Variants in TRIP12 observed in about 807,000 individuals in gnomAD.
TRIP12 encodes thyroid hormone receptor interactor 12.
TRIP12 carries 25 observed loss-of-function variants against 244.2 expected under a neutral mutation model. The ratio of observed to expected loss-of-function variants is 0.10; its 90% CI spans 0.07 to 0.14. The LOEUF (loss-of-function observed/expected upper bound fraction) is 0.14, where lower values mean the gene tolerates loss of function less well. Among genes scored for constraint, TRIP12 ranks in the 10% least tolerant of loss-of-function variants. The pLI is 1.00. For missense variants in TRIP12, 1,677 were observed against 2,486.4 expected (o/e 0.67, Z 6.92); for synonymous variants, 905 against 873.1 (o/e 1.04, Z -0.64).
At chr2:229,848,326 GC>G (rs1241261184) in intron 4 of TRIP12, among the ~76,000 whole-genome samples, 4 of 32,314 alleles carry the variant, frequency 1.2e-4, no homozygotes, top group South Asian at 7.4e-4. Context: ...GGCCCCCCCC[GC>G]CCCCCCCACA....
intron 8 of TRIP12, among the ~76,000 whole-genome samples, chr2:229,826,113 TAGA>T (rs2051503844): frequency 6.6e-6 from 1 of 152,036 alleles, no homozygotes; most frequent in African/African-American, 2.4e-5. Context: ...GGCAATCAAA[TAGA>T]AGGTGAGAAG....
At chr2:229,779,835 C>G (rs934575839) in intron 34 of TRIP12, among the ~76,000 whole-genome samples, 2 of 152,142 alleles carry the variant, frequency 1.3e-5, no homozygotes, top group Admixed American at 1.3e-4. Context: ...CATGAGACAC[C>G]TGATGTGGAC....
rs746225142 is a variant in TRIP12, at chr2:229,805,788, G to A, written c.2592C>T (p.Asp864=). ...DFNSMQQINE[D]TGTARAIQRK... ...TCTGAATGGCACGTGCTGTTCCCGT[G>A]TCCTCATTGATTTGCTGCATAGAAT... is the stretch of plus-strand genomic sequence containing the variant. The change falls in exon 18 of 42, where the codon GAC becomes GAT. Residue 864 remains aspartate (D), a synonymous_variant. Coordinates refer to ENST00000675903, the MANE Select transcript of TRIP12 (RefSeq NM_001348323.3). 2.2e-5 allele frequency: 36 copies of A among 1,610,600 alleles called. No homozygotes were observed. The Admixed American group carries it at 3.0e-4, about 13-fold the overall frequency.
intron 26 of TRIP12, among the ~76,000 whole-genome samples, chr2:229,793,760 C>T (rs2042125049): frequency 6.6e-6 from 1 of 152,142 alleles, no homozygotes; most frequent in African/African-American, 2.4e-5. Context: ...GCAAGCTTGT[C>T]CAACCTGCGG....
intron 1 of TRIP12, among the ~76,000 whole-genome samples, chr2:229,920,715 C>T (rs912717051): frequency 5.3e-5 from 8 of 152,132 alleles, no homozygotes; most frequent in African/African-American, 1.7e-4. Flanking sequence ...AGTGTGATTT[C>T]CCCCCGATTT....
chr2:229,807,594 T>TGA (rs1332345636), intron 17 of TRIP12, 114 bp downstream of exon 17: 1 of 1,319,898 alleles, frequency 7.6e-7, no homozygotes, highest in Non-Finnish European at 1.1e-6. Flanking sequence ...GAGAGAATCT[T>TGA]GAGTTAATTC....
At chr2:229,820,763 G>GT (rs769619208) in intron 8 of TRIP12, among the ~76,000 whole-genome samples, 4 of 152,198 alleles carry the variant, frequency 2.6e-5, no homozygotes, top group Non-Finnish European at 2.9e-5. Context: ...TAATTTTTCT[G>GT]TATTTTTAGT....
chr2:229,879,018 C>T (rs2064257023), intron 2 of TRIP12, among the ~76,000 whole-genome samples: 1 of 151,958 alleles, frequency 6.6e-6, no homozygotes, highest in African/African-American at 2.4e-5. Context: ...TTTGGGAGGC[C>T]GAGGCGGGTG....
intron 5 of TRIP12, among the ~76,000 whole-genome samples, chr2:229,837,613 G>A (rs1464668062): frequency 2.6e-5 from 4 of 152,008 alleles, no homozygotes; most frequent in African/African-American, 4.8e-5. Context: ...CATCTTGGGC[G>A]GCAGCAACAA....
chr2:229,842,569 A>G (rs2056687052), intron 4 of TRIP12, among the ~76,000 whole-genome samples: 1 of 152,228 alleles, frequency 6.6e-6, no homozygotes, highest in African/African-American at 2.4e-5. Flanking sequence ...TTTACATTAT[A>G]TTAAAACACA....
At chr2:229,850,543 G>A (rs886736644) in intron 4 of TRIP12, among the ~76,000 whole-genome samples, 1 of 152,202 alleles carries the variant, frequency 6.6e-6, no homozygotes, top group Non-Finnish European at 1.5e-5. Flanking sequence ...AAACTGAAAG[G>A]TGACAGCGTG....
chr2:229,792,570 C>T (rs1236849585), intron 27 of TRIP12, among the ~76,000 whole-genome samples: 3 of 152,110 alleles, frequency 2.0e-5, no homozygotes, highest in Non-Finnish European at 4.4e-5. Flanking sequence ...GCAAAGTTGT[C>T]AGGTGTGGAG....
chr2:229,770,987 A>C (rs945697933), intron 39 of TRIP12, among the ~76,000 whole-genome samples: 18 of 152,206 alleles, frequency 1.2e-4, no homozygotes, highest in South Asian at 8.3e-4. Context: ...CAGCAGCATG[A>C]AAACAGACTA....
intron 15 of TRIP12, among the ~76,000 whole-genome samples, 195 bp from the exon 16 acceptor site, chr2:229,808,564 C>G (rs1473625602): frequency 6.6e-6 from 1 of 152,252 alleles, no homozygotes; most frequent in South Asian, 2.1e-4. Flanking sequence ...TTTTAACAAT[C>G]TCTTTCTGGA....
intron 8 of TRIP12, among the ~76,000 whole-genome samples, chr2:229,822,858 T>C (rs1360294558): frequency 6.6e-6 from 1 of 152,172 alleles, no homozygotes; most frequent in African/African-American, 2.4e-5. Context: ...TTTCAACAGA[T>C]GATTGGCATC....
intron 2 of TRIP12, among the ~76,000 whole-genome samples, chr2:229,874,471 A>G (rs1250304272): frequency 6.6e-6 from 1 of 152,226 alleles, no homozygotes; most frequent in African/African-American, 2.4e-5. Context: ...GGCATAAGCA[A>G]TATTTTTTAC....
At chr2:229,857,454 CT>C in intron 4 of TRIP12, among the ~76,000 whole-genome samples, 1 of 152,174 alleles carries the variant, frequency 6.6e-6, no homozygotes, top group Non-Finnish European at 1.5e-5. Context: ...CATGGTGAAA[CT>C]CCCTCTCTAC....
chr2:229,884,065 T>TG (rs1314842395), intron 1 of TRIP12, among the ~76,000 whole-genome samples: 1 of 151,444 alleles, frequency 6.6e-6, no homozygotes, highest in Non-Finnish European at 1.5e-5. Flanking sequence ...GAGCCAAGAT[T>TG]GCACCACTGC....
At chr2:229,910,725 T>C (rs1237901994) in intron 1 of TRIP12, among the ~76,000 whole-genome samples, 2 of 152,034 alleles carry the variant, frequency 1.3e-5, no homozygotes, top group African/African-American at 2.4e-5. Flanking sequence ...TCTTAGTTCA[T>C]AGCAGCAACT....
Sources: gnomAD v4.1 joint callset for allele counts (sites outside exome capture counted in the v4.1 genomes callset) on GRCh38, gnomAD v4.1.1 for gene constraint, MANE v1.5 for transcripts, NCBI Gene and HGNC (gene_info 2026-07-23, HGNC 2026-07-21) for gene names.